The following TMEM163 variants were observed in gnomAD, a reference collection of about 807,000 sequenced individuals.
The protein encoded by TMEM163 is transmembrane protein 163.
Under a neutral mutation model 29.3 loss-of-function variants are expected in TMEM163, and 17 were observed. The observed-to-expected ratio is 0.58, with a 90% CI of 0.40 to 0.87. The LOEUF is 0.87. Ranked by LOEUF, TMEM163 falls within the 40% of genes least tolerant of loss-of-function variation. TMEM163 has a pLI of 0.00. For synonymous variants in TMEM163, 157 were observed against 160.6 expected (o/e 0.98, Z 0.17); for missense variants, 303 against 381.5 (o/e 0.79, Z 1.71).
intron 6 of TMEM163, among the ~76,000 whole-genome samples, chr2:134,464,947 G>C (rs572104611): frequency 6.6e-6 from 1 of 152,106 alleles, no homozygotes; most frequent in South Asian, 2.1e-4. Context: ...ACCATGCTCC[G>C]TCCTGCGGGT....
intron 5 of TMEM163, among the ~76,000 whole-genome samples, chr2:134,486,689 G>A (rs1053746413): frequency 3.3e-5 from 5 of 152,190 alleles, no homozygotes; most frequent in East Asian, 1.9e-4. Context: ...TAGTTCTTAC[G>A]TTAAAATCAG....
intron 2 of TMEM163, among the ~76,000 whole-genome samples, chr2:134,568,811 C>T (rs1681359215): frequency 6.6e-6 from 1 of 152,136 alleles, no homozygotes; most frequent in South Asian, 2.1e-4. Flanking sequence ...TCCATGAGCC[C>T]TGTGAGCATT....
At chr2:134,474,874 T>A (rs954624250) in intron 5 of TMEM163, among the ~76,000 whole-genome samples, 2 of 152,192 alleles carry the variant, frequency 1.3e-5, no homozygotes, top group African/African-American at 4.8e-5. Context: ...TGGAAAGATA[T>A]ACTGTGTTCA....
At chr2:134,564,123 C>G (rs1210458253) in intron 2 of TMEM163, among the ~76,000 whole-genome samples, 1 of 152,088 alleles carries the variant, frequency 6.6e-6, no homozygotes, top group Non-Finnish European at 1.5e-5. Flanking sequence ...ACCAAAAAAA[C>G]CTGGAAGACA....
rs1253483887 is a variant in TMEM163, at chr2:134,550,785, C to T, written c.367-124G>A. The stretch of plus-strand genomic sequence containing the variant: ...GAGTAAACTCTGAGCAAAGAGGTCT[C>T]CCATCATTACGACGCAGCCACTTAC... On this transcript the variant is annotated intron_variant, in intron 3 of 7. Coordinates refer to ENST00000281924, the MANE Select transcript of TMEM163 (RefSeq NM_030923.5). 5.6e-6 allele frequency: 5 copies of T among 890,702 alleles called. No individual in the cohort carries two copies. In the East Asian group the frequency reaches 1.3e-4, roughly 23 times the overall value. 55.2% of individuals were successfully genotyped at this position (890,702 alleles called of 1,614,324 possible). A position where few individuals can be genotyped will look rare whatever the true frequency, so the allele number is the denominator to read the frequency against.
At chr2:134,550,706 G>A in intron 3 of TMEM163, 45 bp from the exon 4 acceptor site, 1 of 1,562,138 alleles carries the variant, frequency 6.4e-7, no homozygotes, top group Non-Finnish European at 8.8e-7. Flanking sequence ...ACAGTTAATA[G>A]CACACAAATG....
intron 4 of TMEM163, among the ~76,000 whole-genome samples, chr2:134,516,996 T>C (rs1437867603): frequency 6.6e-6 from 1 of 152,088 alleles, no homozygotes; most frequent in African/African-American, 2.4e-5. Flanking sequence ...CATGGATTTT[T>C]CTGTCATTAG....
At chr2:134,684,292 C>T (rs1451323348) in intron 2 of TMEM163, among the ~76,000 whole-genome samples, 1 of 152,104 alleles carries the variant, frequency 6.6e-6, no homozygotes, top group African/African-American at 2.4e-5. Flanking sequence ...ACCTTACCAT[C>T]GAGAGGCTTC....
intron 4 of TMEM163, among the ~76,000 whole-genome samples, chr2:134,514,330 A>T (rs1680009591): frequency 6.6e-6 from 1 of 151,824 alleles, no homozygotes. Flanking sequence ...CTACACTGGA[A>T]TAAAAAGAAT....
intron 2 of TMEM163, among the ~76,000 whole-genome samples, chr2:134,585,528 GT>G (rs960805938): frequency 9.2e-5 from 14 of 152,262 alleles, no homozygotes; most frequent in African/African-American, 3.1e-4. Context: ...AGATTACGAG[GT>G]CAAGAGATAG....
At chr2:134,666,496 A>G (rs540650049) in intron 2 of TMEM163, among the ~76,000 whole-genome samples, 1 of 152,238 alleles carries the variant, frequency 6.6e-6, no homozygotes, top group African/African-American at 2.4e-5. Context: ...CCGGCTCTCC[A>G]CCTTCTCCAC....
chr2:134,520,119 G>A (rs1374593821), intron 4 of TMEM163, among the ~76,000 whole-genome samples: 2 of 152,136 alleles, frequency 1.3e-5, no homozygotes, highest in African/African-American at 2.4e-5. Context: ...GAGAAGCAAG[G>A]GAGGGAGAGG....
At chr2:134,624,865 T>C (rs1320826060) in intron 2 of TMEM163, among the ~76,000 whole-genome samples, 3 of 145,936 alleles carry the variant, frequency 2.1e-5, no homozygotes, top group African/African-American at 7.6e-5. Flanking sequence ...GGCCGAGATC[T>C]CACCATTGCA....
At chr2:134,493,888 G>T (rs1679487137) in intron 5 of TMEM163, among the ~76,000 whole-genome samples, 1 of 152,092 alleles carries the variant, frequency 6.6e-6, no homozygotes, top group African/African-American at 2.4e-5. Flanking sequence ...TTCCCCCATT[G>T]AATTACCTTG....
At chr2:134,476,049 T>G (rs1353413443) in intron 5 of TMEM163, among the ~76,000 whole-genome samples, 1 of 152,220 alleles carries the variant, frequency 6.6e-6, no homozygotes, top group Non-Finnish European at 1.5e-5. Context: ...AATTTCATAA[T>G]AGTCAAAAAC....
At chr2:134,479,048 A>G (rs546533961) in intron 5 of TMEM163, among the ~76,000 whole-genome samples, 1 of 152,308 alleles carries the variant, frequency 6.6e-6, no homozygotes, top group South Asian at 2.1e-4. Flanking sequence ...ACACAGTGAG[A>G]AGACAGCCAT....
At chr2:134,457,386 T>C (rs1329317129) in intron 7 of TMEM163, among the ~76,000 whole-genome samples, 1 of 152,238 alleles carries the variant, frequency 6.6e-6, no homozygotes, top group African/African-American at 2.4e-5. Context: ...GGATGAGGGT[T>C]CCACTTTCGC....
At chr2:134,628,037 G>GA (rs35922408) in intron 2 of TMEM163, among the ~76,000 whole-genome samples, 7 of 152,186 alleles carry the variant, frequency 4.6e-5, no homozygotes, top group South Asian at 2.1e-4. Context: ...ATATATCATT[G>GA]AAAAAATGTG....
At chr2:134,660,465 G>A (rs1683721776) in intron 2 of TMEM163, among the ~76,000 whole-genome samples, 2 of 152,176 alleles carry the variant, frequency 1.3e-5, no homozygotes, top group South Asian at 4.1e-4. Context: ...ACAGGCATAA[G>A]AAAAAGGTAA....
Sources: allele counts gnomAD v4.1 joint callset (sites outside exome capture counted in the v4.1 genomes callset), GRCh38; gene constraint gnomAD v4.1.1; transcripts MANE v1.5; gene names NCBI Gene and HGNC (gene_info 2026-07-23, HGNC 2026-07-21).